BRCA1: variants seen among roughly 807,000 people sequenced by gnomAD.
BRCA1 encodes breast cancer type 1 susceptibility protein.
A neutral mutation model predicts 173.7 loss-of-function variants in BRCA1; 140 were observed. The observed-to-expected ratio is 0.81, with a 90% CI of 0.70 to 0.93. The LOEUF (loss-of-function observed/expected upper bound fraction) is 0.93. BRCA1 is among the 40% of genes least tolerant of loss of function. BRCA1 has a pLI of 0.00. For missense variants in BRCA1, 1,983 were observed against 2,172.5 expected (o/e 0.91, Z 1.73); for synonymous variants, 662 against 756.0 (o/e 0.88, Z 2.04).
At chr17:43,149,046 A>G (rs1036863389) in intron 1 of BRCA1, among the ~76,000 whole-genome samples, 19 of 152,228 alleles carry the variant, frequency 1.2e-4, no homozygotes, top group African/African-American at 4.3e-4. Flanking sequence ...ATAATGGTGC[A>G]GTATTTGAAT....
At chr17:43,097,319 A>G in intron 7 of BRCA1, 30 bp from the exon 8 acceptor site, 1 of 1,575,174 alleles carries the variant, frequency 6.3e-7, no homozygotes, top group Non-Finnish European at 8.7e-7. Context: ...AAAATAAATC[A>G]ATAAAAGTTT....
At chr17:43,048,663 C>G (rs1207350122) in intron 21 of BRCA1, among the ~76,000 whole-genome samples, 1 of 150,990 alleles carries the variant, frequency 6.6e-6, no homozygotes, top group African/African-American at 2.4e-5. Context: ...TACAGGCATG[C>G]TCCACCAGGC....
At chr17:43,061,847 A>T (rs1233128656) in intron 18 of BRCA1, among the ~76,000 whole-genome samples, 1 of 152,128 alleles carries the variant, frequency 6.6e-6, no homozygotes, top group African/African-American at 2.4e-5. Flanking sequence ...GGCCACTCAA[A>T]GTGCTGGGAT....
At chr17:43,084,031 A>ATT (rs571319167) in intron 11 of BRCA1, among the ~76,000 whole-genome samples, 6 of 123,310 alleles carry the variant, frequency 4.9e-5, no homozygotes, top group Non-Finnish European at 7.0e-5. Flanking sequence ...TGCCCGACTA[A>ATT]TTTTTTTTTT....
At chr17:43,158,953 T>C (rs538915090) in intron 1 of BRCA1, among the ~76,000 whole-genome samples, 1 of 152,206 alleles carries the variant, frequency 6.6e-6, no homozygotes, top group Non-Finnish European at 1.5e-5. Flanking sequence ...TTTCAGACCA[T>C]GGCTGGGTGC....
intron 11 of BRCA1, among the ~76,000 whole-genome samples, chr17:43,089,797 A>G (rs1001529126): frequency 6.6e-6 from 1 of 151,954 alleles, no homozygotes; most frequent in Non-Finnish European, 1.5e-5. Flanking sequence ...ACTTGAGCCC[A>G]GGATTTTGAG....
intron 18 of BRCA1, among the ~76,000 whole-genome samples, chr17:43,061,356 C>T (rs2051743347): frequency 6.6e-6 from 1 of 152,066 alleles, no homozygotes; most frequent in African/African-American, 2.4e-5. Flanking sequence ...CTGTATATTT[C>T]TCCATAGCAT....
intron 15 of BRCA1, among the ~76,000 whole-genome samples, chr17:43,070,636 C>T (rs543282256): frequency 6.6e-6 from 1 of 152,308 alleles, no homozygotes; most frequent in African/African-American, 2.4e-5. Context: ...CTTGCTTTTA[C>T]AGATAGAAAG....
chr17:43,106,120 A>G (rs2054749558), intron 4 of BRCA1, among the ~76,000 whole-genome samples: 2 of 145,242 alleles, frequency 1.4e-5, no homozygotes. Context: ...CCCTGTCTTA[A>G]AAAAAAAAAA....
intron 1 of BRCA1, among the ~76,000 whole-genome samples, chr17:43,133,807 G>A (rs1018838854): frequency 6.6e-6 from 1 of 151,982 alleles, no homozygotes; most frequent in Admixed American, 6.5e-5. Flanking sequence ...GCTAATTTTT[G>A]TAGTTTTAGT....
intron 1 of BRCA1, among the ~76,000 whole-genome samples, chr17:43,137,462 C>T (rs2056036448): frequency 1.3e-5 from 2 of 151,690 alleles, no homozygotes; most frequent in Admixed American, 1.3e-4. Flanking sequence ...AAAGAGGTCC[C>T]TTTTTCTGGG....
chr17:43,135,192 C>T (rs59440099), intron 1 of BRCA1, among the ~76,000 whole-genome samples: 13 of 152,366 alleles, frequency 8.5e-5, no homozygotes, highest in African/African-American at 2.9e-4. Flanking sequence ...CTTCCACCTT[C>T]AGCCAGAAGG....
At chr17:43,136,030 C>T (rs920586383) in intron 1 of BRCA1, among the ~76,000 whole-genome samples, 75 of 152,304 alleles carry the variant, frequency 4.9e-4, no homozygotes, top group African/African-American at 1.7e-3. Flanking sequence ...GCAGGGCTCC[C>T]GCCTGTAATT....
At chr17:43,149,077 C>T (rs1191973381) in intron 1 of BRCA1, among the ~76,000 whole-genome samples, 3 of 151,926 alleles carry the variant, frequency 2.0e-5, no homozygotes, top group Non-Finnish European at 4.4e-5. Flanking sequence ...CACATCCCCC[C>T]GCCACCACCC....
chr17:43,099,977 C>A (rs924299929), intron 6 of BRCA1, 97 bp from the exon 7 acceptor site: 1 of 950,968 alleles, frequency 1.1e-6, no homozygotes, highest in Non-Finnish European at 1.7e-6. Flanking sequence ...AATAAATTGA[C>A]CATCATCAGT....
chr17:43,052,387 C>T (rs2153155135), intron 19 of BRCA1, among the ~76,000 whole-genome samples: 1 of 151,978 alleles, frequency 6.6e-6, no homozygotes. Flanking sequence ...CTCAAGCAAT[C>T]CTCTTGCCTC....
At chr17:43,147,069 A>G (rs537353629) in intron 1 of BRCA1, among the ~76,000 whole-genome samples, 139 of 151,684 alleles carry the variant, frequency 9.2e-4, no homozygotes, top group African/African-American at 3.3e-3. Flanking sequence ...CAATGGCGTG[A>G]TCTCGGCTCA....
intron 19 of BRCA1, among the ~76,000 whole-genome samples, chr17:43,053,208 AC>A (rs2051323935): frequency 6.6e-6 from 1 of 151,934 alleles, no homozygotes; most frequent in African/African-American, 2.4e-5. Context: ...AATAAACCGC[AC>A]CCCCAACCTG....
At chr17:43,067,290 C>T in intron 16 of BRCA1, 1 of 163,032 alleles carries the variant, frequency 6.1e-6, no homozygotes, top group Non-Finnish European at 1.2e-5. Flanking sequence ...GAGCCTTGCT[C>T]TGTCGCCAGG....
Sources: allele counts gnomAD v4.1 joint callset (sites outside exome capture counted in the v4.1 genomes callset), GRCh38; gene constraint gnomAD v4.1.1; transcripts MANE v1.5; gene names NCBI Gene and HGNC (gene_info 2026-07-23, HGNC 2026-07-21).